NCALD: variants seen among roughly 807,000 people sequenced by gnomAD.
The protein encoded by NCALD is neurocalcin delta.
Under a neutral mutation model 18.6 loss-of-function variants are expected in NCALD, and 10 were observed. That is an observed-to-expected ratio of 0.54 (90% CI 0.33 to 0.91). NCALD has a LOEUF of 0.91. Among genes scored for constraint, NCALD ranks in the 40% least tolerant of loss-of-function variants. The pLI, the probability that NCALD is intolerant of heterozygous loss-of-function variation, is 0.03. For synonymous variants in NCALD, 88 were observed against 87.4 expected (o/e 1.01, Z -0.04); for missense variants, 184 against 247.6 (o/e 0.74, Z 1.72).
chr8:101,838,912 G>A (rs1434341499), intron 4 of NCALD, among the ~76,000 whole-genome samples: 1 of 152,346 alleles, frequency 6.6e-6, no homozygotes, highest in East Asian at 1.9e-4. Context: ...CTAAGGCAGA[G>A]ACTTGAGATG....
At chr8:101,889,417 C>G (rs1471531674) in intron 3 of NCALD, among the ~76,000 whole-genome samples, 2 of 152,206 alleles carry the variant, frequency 1.3e-5, no homozygotes, top group African/African-American at 2.4e-5. Flanking sequence ...TAAACACAAG[C>G]CTTTCGACTC....
chr8:101,964,053 C>T (rs571464105), intron 2 of NCALD, among the ~76,000 whole-genome samples: 9 of 152,236 alleles, frequency 5.9e-5, no homozygotes, highest in Non-Finnish European at 1.2e-4. Context: ...AATTTCCAGT[C>T]ACTAGTTGTA....
At chr8:102,064,758 C>T (rs968385619) in intron 1 of NCALD, among the ~76,000 whole-genome samples, 1 of 152,114 alleles carries the variant, frequency 6.6e-6, no homozygotes, top group Admixed American at 6.5e-5. Flanking sequence ...TCACATACCA[C>T]ACAGGAATGA....
rs190569134 is a variant in NCALD at position 101,820,985 on chromosome 8, T to C, written c.-20+66156A>G. On this transcript the variant is annotated intron_variant, in intron 4 of 6. Transcript: ENST00000311028. The stretch of plus-strand genomic sequence containing the variant: ...AACTCATGGTAAGTAAATCAAAACA[T>C]GAAGTTCCAAAGAATTGTTCTTCAA... 3.0e-3 allele frequency among the ~76,000 whole-genome samples: 461 copies of C among 152,276 alleles called. 4 individuals carry two copies. Among genetic ancestry groups the C allele is most frequent in the African/African-American group, 0.01 (434 of 41,550 alleles).
chr8:101,918,684 C>T (rs1818056455), intron 2 of NCALD, among the ~76,000 whole-genome samples: 1 of 151,622 alleles, frequency 6.6e-6, no homozygotes, highest in Non-Finnish European at 1.5e-5. Context: ...CATTTCTATA[C>T]ACTAACAATG....
At chr8:101,792,688 C>T (rs1343268547), upstream of NCALD, among the ~76,000 whole-genome samples, 1 of 152,060 alleles carries the variant, frequency 6.6e-6, no homozygotes, top group African/African-American at 2.4e-5. Context: ...ATGAGGGAAC[C>T]GGAAGAGGCA....
At chr8:101,941,166 C>A (rs2131752187) in intron 2 of NCALD, among the ~76,000 whole-genome samples, 1 of 152,324 alleles carries the variant, frequency 6.6e-6, no homozygotes, top group East Asian at 1.9e-4. Flanking sequence ...TGGTCCCCAA[C>A]CTTTATGACA....
intron 2 of NCALD, among the ~76,000 whole-genome samples, chr8:102,006,088 A>G (rs1297286859): frequency 6.6e-6 from 1 of 152,154 alleles, no homozygotes; most frequent in African/African-American, 2.4e-5. Flanking sequence ...GTTTTATCCA[A>G]ACCTTACAAG....
At chr8:102,073,507 G>A (rs181177409) in intron 1 of NCALD, among the ~76,000 whole-genome samples, 83 of 149,938 alleles carry the variant, frequency 5.5e-4, no homozygotes, top group East Asian at 9.7e-4. Context: ...TGAAATGGCA[G>A]AATTACAGTA....
intron 1 of NCALD, among the ~76,000 whole-genome samples, chr8:102,037,968 C>T (rs1822928002): frequency 6.6e-6 from 1 of 152,100 alleles, no homozygotes; most frequent in Non-Finnish European, 1.5e-5. Flanking sequence ...TCAAAAAGCC[C>T]ACCATGTATC....
At chr8:102,085,396 A>G (rs1418656266) in intron 1 of NCALD, among the ~76,000 whole-genome samples, 1 of 152,206 alleles carries the variant, frequency 6.6e-6, no homozygotes, top group African/African-American at 2.4e-5. Context: ...GTACTTCCCT[A>G]GCATGATGAT....
upstream of NCALD, among the ~76,000 whole-genome samples, chr8:101,792,359 C>T (rs118009405): frequency 7.3e-3 from 1,111 of 152,294 alleles, 30 homozygotes; most frequent in Admixed American, 0.05. Context: ...AATCGTCCTA[C>T]TCCATCCTCC....
intron 1 of NCALD, among the ~76,000 whole-genome samples, chr8:101,736,222 C>G (rs188363126): frequency 6.0e-4 from 91 of 152,250 alleles, no homozygotes; most frequent in African/African-American, 2.0e-3. Flanking sequence ...CTGAGAAGCT[C>G]CCATTATGTA....
At chr8:102,100,523 T>A (rs779490404) in intron 1 of NCALD, among the ~76,000 whole-genome samples, 16 of 151,166 alleles carry the variant, frequency 1.1e-4, no homozygotes, top group Non-Finnish European at 1.5e-4. Flanking sequence ...AAAGCTGGAG[T>A]TACAAGAGCA....
chr8:101,920,872 CTAAAA>C (rs1265554871), intron 2 of NCALD, among the ~76,000 whole-genome samples: 1 of 152,068 alleles, frequency 6.6e-6, no homozygotes, highest in Non-Finnish European at 1.5e-5. Context: ...CCCACTGAAT[CTAAAA>C]TAAAAGTTGG....
intron 1 of NCALD, among the ~76,000 whole-genome samples, chr8:102,122,579 C>T (rs1474314486): frequency 6.6e-6 from 1 of 152,168 alleles, no homozygotes; most frequent in Non-Finnish European, 1.5e-5. Context: ...ATAATAAGAG[C>T]TCACATTTAT....
chr8:102,007,697 A>C (rs1392437594), intron 2 of NCALD, among the ~76,000 whole-genome samples: 1 of 152,216 alleles, frequency 6.6e-6, no homozygotes, highest in Non-Finnish European at 1.5e-5. Context: ...AGGTGCAGGT[A>C]ATTATAGAAC....
intron 4 of NCALD, among the ~76,000 whole-genome samples, chr8:101,875,825 C>T (rs1466305554): frequency 6.6e-6 from 1 of 152,226 alleles, no homozygotes; most frequent in Non-Finnish European, 1.5e-5. Flanking sequence ...CCCTAAAGAA[C>T]CTCCACATGT....
At chr8:102,089,264 G>A (rs977500056) in intron 1 of NCALD, among the ~76,000 whole-genome samples, 1 of 152,060 alleles carries the variant, frequency 6.6e-6, no homozygotes, top group Admixed American at 6.6e-5. Flanking sequence ...CATGGCGGCA[G>A]GCACCTGTAA....
Sources: allele counts gnomAD v4.1 joint callset (sites outside exome capture counted in the v4.1 genomes callset), GRCh38; gene constraint gnomAD v4.1.1; transcripts MANE v1.5; gene names NCBI Gene and HGNC (gene_info 2026-07-23, HGNC 2026-07-21).